Variants in L3MBTL4 observed in about 807,000 individuals in gnomAD.
L3MBTL4 encodes the protein L3MBTL histone methyl-lysine binding protein 4, also known as lethal(3)malignant brain tumor-like protein 4.
In L3MBTL4, 70 loss-of-function variants were observed where a neutral mutation model predicts 84.5. The ratio of observed to expected loss-of-function variants is 0.83; its 90% CI spans 0.68 to 1.01. The LOEUF (loss-of-function observed/expected upper bound fraction) is 1.01, where lower values mean the gene tolerates loss of function less well. Among genes scored for constraint, L3MBTL4 ranks in the 50% least tolerant of loss-of-function variants. The pLI is 0.00. For synonymous variants in L3MBTL4, 274 were observed against 259.8 expected (o/e 1.05, Z -0.52); for missense variants, 715 against 754.8 (o/e 0.95, Z 0.62).
At chr18:6,263,534 G>C (rs1399667784) in intron 5 of L3MBTL4, among the ~76,000 whole-genome samples, 1 of 152,146 alleles carries the variant, frequency 6.6e-6, no homozygotes, top group Admixed American at 6.5e-5. Context: ...ACCACTCTTA[G>C]AAACACATCC....
intron 17 of L3MBTL4, 118 bp downstream of exon 17, chr18:5,969,275 G>A (rs557536641): frequency 1.7e-4 from 183 of 1,097,734 alleles, no homozygotes; most frequent in Middle Eastern, 2.6e-4. Context: ...TGGCAGATGC[G>A]ATGCCTAAGA....
intron 5 of L3MBTL4, among the ~76,000 whole-genome samples, chr18:6,254,160 C>CCCT: frequency 6.6e-6 from 1 of 152,046 alleles, no homozygotes; most frequent in Non-Finnish European, 1.5e-5. Flanking sequence ...CCTAAGGATA[C>CCCT]CCTAATTCCC....
intron 1 of L3MBTL4, among the ~76,000 whole-genome samples, chr18:6,412,913 C>A (rs559995892): frequency 6.6e-6 from 1 of 150,820 alleles, no homozygotes; most frequent in East Asian, 1.9e-4. Context: ...AATGAGTTTC[C>A]GTCTCTACAA....
chr18:6,031,940 T>C (rs2055822801), intron 16 of L3MBTL4: 1 of 652,042 alleles, frequency 1.5e-6, no homozygotes, highest in Non-Finnish European at 1.9e-6. Flanking sequence ...TTTGTACCCA[T>C]TAAAAGGAAT....
At chr18:5,973,960 G>T (rs1459330978) in intron 16 of L3MBTL4, among the ~76,000 whole-genome samples, 3 of 152,178 alleles carry the variant, frequency 2.0e-5, no homozygotes, top group African/African-American at 7.2e-5. Flanking sequence ...TAATCAAAAT[G>T]TTCTCTGCAC....
chr18:6,001,924 T>C (rs150277007), intron 16 of L3MBTL4, among the ~76,000 whole-genome samples: 152 of 152,130 alleles, frequency 1.0e-3, no homozygotes, highest in Non-Finnish European at 1.4e-3. Flanking sequence ...AAGTCACAGA[T>C]TTACAAATCT....
At chr18:6,216,273 AG>A (rs1351355816) in intron 10 of L3MBTL4, among the ~76,000 whole-genome samples, 2 of 152,242 alleles carry the variant, frequency 1.3e-5, no homozygotes, top group African/African-American at 2.4e-5. Flanking sequence ...TATCTATTAA[AG>A]CTTTAGTCTC....
chr18:6,339,685 A>G (rs1446648586), intron 1 of L3MBTL4, among the ~76,000 whole-genome samples: 2 of 152,156 alleles, frequency 1.3e-5, no homozygotes, highest in African/African-American at 2.4e-5. Flanking sequence ...AAAAGTGATA[A>G]ACTCAAGGCA....
intron 1 of L3MBTL4, among the ~76,000 whole-genome samples, chr18:6,348,115 T>G (rs1378139763): frequency 1.3e-5 from 2 of 151,874 alleles, no homozygotes; most frequent in Non-Finnish European, 2.9e-5. Flanking sequence ...AACTGAAAAC[T>G]ATATAGAACA....
chr18:6,043,247 C>G lies in L3MBTL4; in HGVS notation c.1444+37634G>C, dbSNP rs1365307156. ...GTTCTGTCCACTCCCTGATCATTTACTCTCCCTGCTTTAAACTTGTGGATG... is the reference window on the plus strand; with the variant it reads ...GTTCTGTCCACTCCCTGATCATTTAGTCTCCCTGCTTTAAACTTGTGGATG... On this transcript the variant is annotated intron_variant, in intron 16 of 18. Coordinates refer to ENST00000317931, the MANE Select transcript of L3MBTL4 (RefSeq NM_001330559.2). Among the ~76,000 whole-genome samples, 10 of 152,166 alleles carry G rather than the reference C, an allele frequency of 6.6e-5. 1 individual carries two copies. Among genetic ancestry groups the G allele is most frequent in the African/African-American group, 2.2e-4 (9 of 41,432 alleles).
At chr18:6,298,142 G>C (rs1160579678) in intron 4 of L3MBTL4, among the ~76,000 whole-genome samples, 1 of 152,132 alleles carries the variant, frequency 6.6e-6, no homozygotes, top group Non-Finnish European at 1.5e-5. Context: ...TCTACTCCTA[G>C]TAGCAGTATG....
At chr18:6,008,693 C>T (rs563772473) in intron 16 of L3MBTL4, among the ~76,000 whole-genome samples, 1 of 152,328 alleles carries the variant, frequency 6.6e-6, no homozygotes, top group Non-Finnish European at 1.5e-5. Flanking sequence ...GGCTTCAACA[C>T]ATGAATTTGG....
chr18:6,274,935 C>T (rs2146514272), intron 4 of L3MBTL4, among the ~76,000 whole-genome samples: 1 of 152,228 alleles, frequency 6.6e-6, no homozygotes, highest in African/African-American at 2.4e-5. Context: ...ACATTTCTAG[C>T]TTAGGAGAGT....
chr18:6,217,568 A>T (rs1224172085), intron 10 of L3MBTL4, among the ~76,000 whole-genome samples: 2 of 152,216 alleles, frequency 1.3e-5, no homozygotes, highest in Non-Finnish European at 2.9e-5. Context: ...AGCTATTATT[A>T]AAAATGCTGC....
At chr18:6,275,071 A>G (rs562139982) in intron 4 of L3MBTL4, among the ~76,000 whole-genome samples, 1 of 152,282 alleles carries the variant, frequency 6.6e-6, no homozygotes, top group African/African-American at 2.4e-5. Flanking sequence ...AACCCTCTAG[A>G]GACATTGCAG....
chr18:6,002,000 C>T (rs1368416552), intron 16 of L3MBTL4, among the ~76,000 whole-genome samples: 1 of 152,114 alleles, frequency 6.6e-6, no homozygotes, highest in African/African-American at 2.4e-5. Context: ...ATACTATAAT[C>T]GAACTTTCAA....
chr18:6,335,195 A>G (rs553839939), intron 1 of L3MBTL4, among the ~76,000 whole-genome samples: 1 of 152,202 alleles, frequency 6.6e-6, no homozygotes, highest in South Asian at 2.1e-4. Context: ...GGTTCAAGCA[A>G]TTGTCCTACC....
At position 6,030,696 on chromosome 18, in the gene L3MBTL4, T is replaced by G. The variant is rs545843720; in HGVS notation, c.1444+50185A>C. The G allele has an allele frequency of 9.3e-6, 9 of 971,332 alleles. No individual in the cohort carries two copies. The South Asian group carries it at 1.9e-4, about 21-fold the overall frequency. 60.2% of individuals were successfully genotyped at this position (971,332 alleles called of 1,614,324 possible). On this transcript the variant is annotated intron_variant, in intron 16 of 18. Coordinates refer to ENST00000317931, the MANE Select transcript of L3MBTL4 (RefSeq NM_001330559.2). Reference sequence around the variant, plus strand: ...GTCAAATAAAAAAATTTGTTTCAATTTTTTCTTTGTATTTAGTTTAATGCT... The same window carrying G: ...GTCAAATAAAAAAATTTGTTTCAATGTTTTCTTTGTATTTAGTTTAATGCT...
intron 16 of L3MBTL4, among the ~76,000 whole-genome samples, chr18:6,060,391 C>A (rs552151820): frequency 1.4e-5 from 2 of 144,264 alleles, no homozygotes; most frequent in Non-Finnish European, 3.1e-5. Flanking sequence ...TCGCAATCAG[C>A]TTTTTTTTTT....
Sources: allele counts gnomAD v4.1 joint callset (sites outside exome capture counted in the v4.1 genomes callset), GRCh38; gene constraint gnomAD v4.1.1; transcripts MANE v1.5; gene names NCBI Gene and HGNC (gene_info 2026-07-23, HGNC 2026-07-21).